ZNF541: variants seen among roughly 807,000 people sequenced by gnomAD.
ZNF541 encodes the protein zinc finger protein 541.
In ZNF541, 23 loss-of-function variants were observed where a neutral mutation model predicts 123.5. The observed-to-expected ratio is 0.19, with a 90% CI of 0.13 to 0.26. The LOEUF (loss-of-function observed/expected upper bound fraction) is 0.26, where lower values mean the gene tolerates loss of function less well. Among genes scored for constraint, ZNF541 ranks in the 10% least tolerant of loss-of-function variants. The probability of loss-of-function intolerance (pLI) is 1.00; values close to 1 mark genes in which losing one functional copy is unlikely to be tolerated. For missense variants in ZNF541, 1,612 were observed against 1,789.9 expected (o/e 0.90, Z 1.79); for synonymous variants, 751 against 754.5 (o/e 1.00, Z 0.08).
At chr19:47,533,519 C>G (rs1367077308) in intron 9 of ZNF541, among the ~76,000 whole-genome samples, 1 of 151,694 alleles carries the variant, frequency 6.6e-6, no homozygotes, top group Non-Finnish European at 1.5e-5. Context: ...GTCCTAAGGT[C>G]ATTCAGCACT....
At position 47,544,098 on chromosome 19, in the gene ZNF541, G is replaced by A. The variant is rs754584962; in HGVS notation, c.2403+28C>T. On this transcript the variant is annotated intron_variant, in intron 5 of 16. Transcript: ENST00000391901. ...TGCAAAGGAAACTCACTCCACTCTG[G>A]TCAGGCCACGTGAGAGAGAGCTGGT... 9 of 1,522,240 alleles carry A rather than the reference G, an allele frequency of 5.9e-6. No homozygotes were observed. The African/African-American group carries it at 1.2e-4, about 21-fold the overall frequency. 94.3% of individuals were successfully genotyped at this position (1,522,240 alleles called of 1,614,324 possible).
At chr19:47,550,674 C>T (rs1190318227) in intron 3 of ZNF541, among the ~76,000 whole-genome samples, 1 of 152,186 alleles carries the variant, frequency 6.6e-6, no homozygotes, top group Non-Finnish European at 1.5e-5. Context: ...CAGGAGACAG[C>T]AGACTGCTTC....
chr19:47,540,365 G>A (rs1272401271), intron 6 of ZNF541, 30 bp from the exon 7 acceptor site: 4 of 1,541,016 alleles, frequency 2.6e-6, no homozygotes, highest in Non-Finnish European at 3.5e-6. Flanking sequence ...AGAAGAGTGG[G>A]AGATTAGGAC....
intron 8 of ZNF541, 111 bp downstream of exon 8, chr19:47,539,594 A>C: frequency 8.2e-7 from 1 of 1,224,814 alleles, no homozygotes; most frequent in African/African-American, 1.6e-5. Context: ...GAGCCACCAC[A>C]TCCAGCCTGG....
intron 2 of ZNF541, among the ~76,000 whole-genome samples, chr19:47,571,058 C>T (rs1403610577): frequency 1.3e-5 from 2 of 152,064 alleles, no homozygotes; most frequent in Non-Finnish European, 1.5e-5. Flanking sequence ...GAAAGAAACC[C>T]GAAACTGAAA....
At chr19:47,525,887 G>A (rs984463021) in intron 14 of ZNF541, among the ~76,000 whole-genome samples, 2 of 133,386 alleles carry the variant, frequency 1.5e-5, no homozygotes, top group East Asian at 2.5e-4. Flanking sequence ...CTGCACTCCA[G>A]TCTGGGCGAC....
intron 2 of ZNF541, among the ~76,000 whole-genome samples, chr19:47,571,017 C>T (rs1038198904): frequency 4.0e-5 from 6 of 151,570 alleles, no homozygotes; most frequent in Non-Finnish European, 7.4e-5. Flanking sequence ...TGTCCACATA[C>T]ACATGTGCCC....
At chr19:47,572,978 CGAAT>C (rs1971529587) in intron 1 of ZNF541, among the ~76,000 whole-genome samples, 101 bp downstream of exon 1, 1 of 149,108 alleles carries the variant, frequency 6.7e-6, no homozygotes, top group Non-Finnish European at 1.5e-5. Flanking sequence ...AATCAAGAAA[CGAAT>C]GAGATTGTAA....
chr19:47,551,160 C>T (rs912097479), intron 3 of ZNF541, among the ~76,000 whole-genome samples: 7 of 151,598 alleles, frequency 4.6e-5, no homozygotes, highest in African/African-American at 1.7e-4. Context: ...AAGCCTCAGC[C>T]TCTGCAGTAG....
chr19:47,543,218 T>A (rs1266008294), intron 5 of ZNF541, among the ~76,000 whole-genome samples: 1 of 152,064 alleles, frequency 6.6e-6, no homozygotes, highest in African/African-American at 2.4e-5. Context: ...AAGCTACTCA[T>A]CCTCCTGAGT....
intron 2 of ZNF541, among the ~76,000 whole-genome samples, chr19:47,562,245 C>CA (rs527333631): frequency 1.3e-4 from 17 of 126,030 alleles, no homozygotes; most frequent in South Asian, 2.5e-4. Flanking sequence ...ACTGTCTCCC[C>CA]AAAAAAAACA....
At chr19:47,555,273 G>A (rs1226666717) in intron 3 of ZNF541, among the ~76,000 whole-genome samples, 1 of 151,762 alleles carries the variant, frequency 6.6e-6, no homozygotes, top group African/African-American at 2.4e-5. Flanking sequence ...CGGAGGCTGA[G>A]GCAGGAGAAT....
intron 9 of ZNF541, 113 bp from the exon 10 acceptor site, chr19:47,533,085 T>C: frequency 1.0e-6 from 1 of 961,472 alleles, no homozygotes; most frequent in Non-Finnish European, 1.5e-6. Flanking sequence ...ATCCCATGGG[T>C]TGGCCGGGCA....
Position 47,539,691 on chromosome 19 carries a change from C to T in ZNF541, c.2796+14G>A, listed in dbSNP as rs116711253. 36 of 1,384,352 alleles carry T rather than the reference C, an allele frequency of 2.6e-5. No homozygotes were observed. The highest frequency in any genetic ancestry group is 4.0e-5 in the Admixed American group (1 of 25,132). 85.8% of individuals were successfully genotyped at this position (1,384,352 alleles called of 1,614,324 possible). On this transcript the variant is annotated intron_variant, in intron 8 of 16. Coordinates refer to ENST00000391901, the MANE Select transcript of ZNF541 (RefSeq NM_001277075.3). ...GGGCAGTGGCAGGAAGGAGGCAGGC[C>T]GACAAGCACCCACCATGGCCATGCT... is the stretch of plus-strand genomic sequence containing the variant.
At chr19:47,529,798 AC>A in intron 12 of ZNF541, 146 bp from the exon 13 acceptor site, 1 of 697,380 alleles carries the variant, frequency 1.4e-6, no homozygotes, top group Admixed American at 2.5e-5. Context: ...TGGATGGGCC[AC>A]CAGCCTGTGA....
intron 4 of ZNF541, 124 bp from the exon 5 acceptor site, chr19:47,546,104 C>T (rs1274001776): frequency 6.0e-6 from 5 of 836,642 alleles, no homozygotes; most frequent in Non-Finnish European, 6.7e-6. Context: ...TTGTACTCAG[C>T]CCCCACGAGG....
At chr19:47,528,409 C>A (rs555127006) in intron 14 of ZNF541, among the ~76,000 whole-genome samples, 1 of 151,056 alleles carries the variant, frequency 6.6e-6, no homozygotes, top group Admixed American at 6.6e-5. Context: ...CTCTGCCTCC[C>A]GGGTTCAAAC....
intron 14 of ZNF541, among the ~76,000 whole-genome samples, chr19:47,526,721 C>T (rs1239935393): frequency 6.6e-6 from 1 of 152,142 alleles, no homozygotes; most frequent in African/African-American, 2.4e-5. Context: ...CTAGAAATCT[C>T]TTTTCCTGCC....
chr19:47,522,357 C>T (rs1051253160), intron 14 of ZNF541, among the ~76,000 whole-genome samples: 1 of 152,138 alleles, frequency 6.6e-6, no homozygotes. Flanking sequence ...GACATTACAA[C>T]AGCTAGGCAG....
Sources: gnomAD v4.1 joint callset for allele counts (sites outside exome capture counted in the v4.1 genomes callset) on GRCh38, gnomAD v4.1.1 for gene constraint, MANE v1.5 for transcripts, NCBI Gene and HGNC (gene_info 2026-07-23, HGNC 2026-07-21) for gene names.